The following CNTNAP4 variants were observed in gnomAD, a reference collection of about 807,000 sequenced individuals.
CNTNAP4 encodes the protein contactin-associated protein-like 4.
Under a neutral mutation model 148.4 loss-of-function variants are expected in CNTNAP4, and 98 were observed. The observed-to-expected ratio is 0.66, with a 90% CI of 0.56 to 0.78. The LOEUF (loss-of-function observed/expected upper bound fraction) is 0.78. CNTNAP4 is among the 30% of genes least tolerant of loss of function. The probability of loss-of-function intolerance (pLI) is 0.00; values close to 1 mark genes in which losing one functional copy is unlikely to be tolerated. For missense variants in CNTNAP4, 1,935 were observed against 1,565.6 expected (o/e 1.24, Z -3.98); for synonymous variants, 730 against 565.1 (o/e 1.29, Z -4.14).
At chr16:76,482,883 A>G (rs959357924) in intron 12 of CNTNAP4, among the ~76,000 whole-genome samples, 1 of 152,198 alleles carries the variant, frequency 6.6e-6, no homozygotes, top group Admixed American at 6.5e-5. Flanking sequence ...TTTGGGAATC[A>G]CTGTTTTAGA....
At chr16:76,462,670 C>T (rs1415935035) in intron 9 of CNTNAP4, among the ~76,000 whole-genome samples, 1 of 152,152 alleles carries the variant, frequency 6.6e-6, no homozygotes, top group African/African-American at 2.4e-5. Flanking sequence ...GAAGCATCCA[C>T]CCGCCCAGTG....
Position 76,541,997 on chromosome 16 carries a change from T to C in CNTNAP4, c.3442+1207T>C, listed in dbSNP as rs763935911. On this transcript the variant is annotated intron_variant, in intron 21 of 23. Transcript: ENST00000611870. ...ATCATTTGCTCTAAGAATATGTATA[T>C]AGCCAATAACATATTTAGCATGAAA... is the stretch of plus-strand genomic sequence containing the variant. 2.0e-4 allele frequency among the ~76,000 whole-genome samples: 30 copies of C among 152,176 alleles called. 1 individual carries two copies. Among genetic ancestry groups the C allele is most frequent in the Non-Finnish European group, 2.4e-4 (16 of 68,026 alleles).
chr16:76,532,832 G>C (rs2084044191), intron 17 of CNTNAP4, among the ~76,000 whole-genome samples: 1 of 152,102 alleles, frequency 6.6e-6, no homozygotes, highest in East Asian at 1.9e-4. Context: ...CAGAGTGGAA[G>C]AATAGGGAGG....
At chr16:76,310,037 C>G (rs1424442390) in intron 1 of CNTNAP4, 5 of 595,320 alleles carry the variant, frequency 8.4e-6, no homozygotes, top group Admixed American at 5.6e-5. Context: ...TTGCTTCAGA[C>G]AGAAGTCTGG....
intron 8 of CNTNAP4, among the ~76,000 whole-genome samples, chr16:76,460,773 A>AAAAAATATATATATATATATATAT: frequency 5.2e-5 from 3 of 57,310 alleles, no homozygotes; most frequent in Admixed American, 2.4e-4. Flanking sequence ...AAAAAAAAAA[A>AAAAAATATATATATATATATATAT]ATATATATAT....
At chr16:76,453,338 A>C (rs768840895) in intron 8 of CNTNAP4, among the ~76,000 whole-genome samples, 29 of 152,222 alleles carry the variant, frequency 1.9e-4, no homozygotes, top group Non-Finnish European at 3.7e-4. Context: ...AATTCTCTCT[A>C]CTTCTAGGCA....
At chr16:76,348,339 CTT>C (rs1425760133) in intron 2 of CNTNAP4, among the ~76,000 whole-genome samples, 2 of 151,874 alleles carry the variant, frequency 1.3e-5, no homozygotes, top group Admixed American at 1.3e-4. Flanking sequence ...ATTCTCCAGT[CTT>C]GGGTTCAGGG....
intron 17 of CNTNAP4, among the ~76,000 whole-genome samples, chr16:76,525,509 T>G (rs868070921): frequency 2.7e-5 from 4 of 147,702 alleles, no homozygotes; most frequent in African/African-American, 9.8e-5. Context: ...TTTTTATAGT[T>G]TATAGTTACA....
chr16:76,370,906 A>G (rs560974098), intron 3 of CNTNAP4, among the ~76,000 whole-genome samples: 1 of 152,096 alleles, frequency 6.6e-6, no homozygotes, highest in Admixed American at 6.5e-5. Flanking sequence ...CTAGTGCCAC[A>G]TGTATAAAAT....
At chr16:76,330,480 T>C (rs564079504) in intron 2 of CNTNAP4, among the ~76,000 whole-genome samples, 3 of 152,330 alleles carry the variant, frequency 2.0e-5, no homozygotes, top group African/African-American at 7.2e-5. Flanking sequence ...CCCATCTCCA[T>C]TGCCTATACT....
chr16:76,376,898 T>A (rs2015465362), intron 3 of CNTNAP4, among the ~76,000 whole-genome samples: 1 of 147,438 alleles, frequency 6.8e-6, no homozygotes, highest in African/African-American at 2.5e-5. Flanking sequence ...GAAACAAAAC[T>A]AACAAGGTTT....
At chr16:76,438,295 A>G (rs2079909396) in intron 4 of CNTNAP4, among the ~76,000 whole-genome samples, 1 of 152,112 alleles carries the variant, frequency 6.6e-6, no homozygotes, top group Admixed American at 6.6e-5. Context: ...GCCCTAGAGA[A>G]AGCACGAGAA....
At chr16:76,307,662 G>C (rs767091766) in intron 1 of CNTNAP4, among the ~76,000 whole-genome samples, 56 of 151,706 alleles carry the variant, frequency 3.7e-4, no homozygotes, top group Admixed American at 1.8e-3. Context: ...AATGTGTGCA[G>C]ATTTCTAGAT....
At chr16:76,366,381 G>A (rs1362002602) in intron 3 of CNTNAP4, among the ~76,000 whole-genome samples, 1 of 152,130 alleles carries the variant, frequency 6.6e-6, no homozygotes, top group African/African-American at 2.4e-5. Context: ...GGAACATATA[G>A]CATTTGGTTT....
chr16:76,522,691 CTTTT>C (rs1568497120), intron 17 of CNTNAP4, among the ~76,000 whole-genome samples: 8,960 of 27,690 alleles, frequency 0.32, 1,839 homozygotes, highest in African/African-American at 0.36. Flanking sequence ...TCTCTCCTTT[CTTTT>C]CTTTTCTTTT....
chr16:76,323,572 A>G (rs1047536239), intron 2 of CNTNAP4, among the ~76,000 whole-genome samples: 1 of 152,160 alleles, frequency 6.6e-6, no homozygotes, highest in Admixed American at 6.5e-5. Context: ...TTAATATAGA[A>G]TCACTTCTAT....
chr16:76,559,552 T>G lies in CNTNAP4; in HGVS notation c.*869T>G, dbSNP rs765831502. ...AAAAAATTCTTAACACAGCAAAAAATTATTATTTAATTTACAACTGTAATA... is the reference window on the plus strand; with the variant it reads ...AAAAAATTCTTAACACAGCAAAAAAGTATTATTTAATTTACAACTGTAATA... On this transcript the variant is annotated 3_prime_UTR_variant, in exon 24 of 24. Transcript: ENST00000611870. 3.9e-5 allele frequency among the ~76,000 whole-genome samples: 6 copies of G among 152,260 alleles called. No homozygotes were observed. Among genetic ancestry groups the G allele is most frequent in the African/African-American group, 1.4e-4 (6 of 41,542 alleles).
intron 15 of CNTNAP4, among the ~76,000 whole-genome samples, chr16:76,505,945 A>G (rs1164479807): frequency 1.0e-5 from 1 of 97,434 alleles, no homozygotes; most frequent in African/African-American, 2.6e-5. Context: ...GAAACAACCG[A>G]CCACTAGAAG....
rs9933784 is a variant in CNTNAP4, at chr16:76,560,692, T to G, written c.*2009T>G. ...AAATGCATTGACACATCCTATGCCA[T>G]GACTTTAATTTCCTGATTTGTAATC... On this transcript the variant is annotated 3_prime_UTR_variant, in exon 24 of 24. Transcript: ENST00000611870. Among the ~76,000 whole-genome samples, 2,222 of 152,322 alleles carry G rather than the reference T, an allele frequency of 0.015. 57 individuals are homozygous for G. Among genetic ancestry groups the G allele is most frequent in the African/African-American group, 0.051 (2,122 of 41,574 alleles).
Sources: allele counts gnomAD v4.1 joint callset (sites outside exome capture counted in the v4.1 genomes callset), GRCh38; gene constraint gnomAD v4.1.1; transcripts MANE v1.5; gene names NCBI Gene and HGNC (gene_info 2026-07-23, HGNC 2026-07-21).